Variants in SH3GL2 observed in about 807,000 individuals in gnomAD.
SH3GL2 encodes endophilin-A1.
Under a neutral mutation model 46.0 loss-of-function variants are expected in SH3GL2, and 24 were observed. The observed-to-expected ratio is 0.52, with a 90% confidence interval of 0.38 to 0.73. The LOEUF (loss-of-function observed/expected upper bound fraction) is 0.73, where lower values mean the gene tolerates loss of function less well. Among genes scored for constraint, SH3GL2 ranks in the 30% least tolerant of loss-of-function variants. The pLI, the probability that SH3GL2 is intolerant of heterozygous loss-of-function variation, is 0.00. For missense variants in SH3GL2, 413 were observed against 424.2 expected (o/e 0.97, Z 0.23); for synonymous variants, 196 against 147.1 (o/e 1.33, Z -2.40).
Position 17,789,567 on chromosome 9 carries a change from G to A in SH3GL2, c.624+17G>A, listed in dbSNP as rs775942399. ...GAGATGGATGTAAGTGACTCCTGTG[G>A]TTTTCAATTTAATCTTATCATCGAG... On this transcript the variant is annotated intron_variant, in intron 6 of 8. Coordinates refer to ENST00000380607, the MANE Select transcript of SH3GL2 (RefSeq NM_003026.5). 6 of 1,612,598 alleles carry A rather than the reference G, an allele frequency of 3.7e-6. No homozygotes were observed. The highest frequency in any genetic ancestry group is 5.1e-6 in the Non-Finnish European group (6 of 1,179,070).
intron 1 of SH3GL2, among the ~76,000 whole-genome samples, chr9:17,744,309 C>G (rs1822617912): frequency 1.3e-5 from 2 of 151,952 alleles, no homozygotes; most frequent in South Asian, 2.1e-4. Flanking sequence ...AAGACCCCCT[C>G]TATTCATGAG....
intron 2 of SH3GL2, among the ~76,000 whole-genome samples, chr9:17,752,661 C>T (rs1822880124): frequency 6.6e-6 from 1 of 152,032 alleles, no homozygotes; most frequent in Non-Finnish European, 1.5e-5. Context: ...CCATGCCTGC[C>T]TAATTTTTAT....
intron 1 of SH3GL2, among the ~76,000 whole-genome samples, chr9:17,692,535 A>G (rs1401823833): frequency 2.6e-5 from 4 of 152,004 alleles, no homozygotes; most frequent in Admixed American, 2.0e-4. Context: ...AGTCCCAGCT[A>G]CTGGGAGGCT....
At chr9:17,639,831 T>A (rs1449820115) in intron 1 of SH3GL2, among the ~76,000 whole-genome samples, 1 of 152,174 alleles carries the variant, frequency 6.6e-6, no homozygotes, top group African/African-American at 2.4e-5. Flanking sequence ...ACATGTTGAA[T>A]CTTAATGAAA....
chr9:17,746,636 T>A (rs1044296853), intron 1 of SH3GL2, among the ~76,000 whole-genome samples: 2 of 152,208 alleles, frequency 1.3e-5, no homozygotes, highest in African/African-American at 4.8e-5. Context: ...ATGTTTGTGA[T>A]TATCTGTTCA....
chr9:17,786,095 A>G (rs1163276994), intron 3 of SH3GL2, among the ~76,000 whole-genome samples: 1 of 152,130 alleles, frequency 6.6e-6, no homozygotes, highest in African/African-American at 2.4e-5. Flanking sequence ...TGAAGGGAGG[A>G]TGGGGAAGGG....
intron 2 of SH3GL2, among the ~76,000 whole-genome samples, chr9:17,750,069 T>C (rs935843486): frequency 2.0e-5 from 3 of 152,156 alleles, no homozygotes; most frequent in Non-Finnish European, 2.9e-5. Context: ...TCTGTCTCTA[T>C]TGCAAATTTT....
intron 1 of SH3GL2, among the ~76,000 whole-genome samples, chr9:17,614,061 G>C (rs1414473991): frequency 6.6e-6 from 1 of 151,880 alleles, no homozygotes; most frequent in East Asian, 1.9e-4. Context: ...GTTTGGGAAG[G>C]CTCTGGGAAA....
At chr9:17,617,903 G>T (rs1819042372) in intron 1 of SH3GL2, among the ~76,000 whole-genome samples, 1 of 152,114 alleles carries the variant, frequency 6.6e-6, no homozygotes, top group Non-Finnish European at 1.5e-5. Flanking sequence ...CCAGTCTCCA[G>T]CTCAAGACTT....
At chr9:17,791,372 A>G in intron 7 of SH3GL2, 38 bp downstream of exon 7, 1 of 1,310,686 alleles carries the variant, frequency 7.6e-7, no homozygotes, top group Non-Finnish European at 1.1e-6. Flanking sequence ...TTTGCATTTT[A>G]TTGCTATAAA....
chr9:17,639,374 A>G (rs761076258), intron 1 of SH3GL2, among the ~76,000 whole-genome samples: 3 of 152,222 alleles, frequency 2.0e-5, no homozygotes, highest in Non-Finnish European at 4.4e-5. Flanking sequence ...CAACCCAATA[A>G]AAATATAGAC....
At chr9:17,752,081 G>T in intron 2 of SH3GL2, among the ~76,000 whole-genome samples, 1 of 152,098 alleles carries the variant, frequency 6.6e-6, no homozygotes, top group Non-Finnish European at 1.5e-5. Context: ...GTTTATTTTT[G>T]TTTTTTAACA....
At chr9:17,637,972 C>T (rs993822337) in intron 1 of SH3GL2, among the ~76,000 whole-genome samples, 1 of 151,966 alleles carries the variant, frequency 6.6e-6, no homozygotes, top group East Asian at 1.9e-4. Context: ...CTGGCTAACA[C>T]AGTGAAACCC....
intron 1 of SH3GL2, among the ~76,000 whole-genome samples, chr9:17,592,550 T>C (rs1185976322): frequency 1.3e-5 from 2 of 152,224 alleles, no homozygotes. Context: ...TTGAGGTTTA[T>C]TCTGCCTTTG....
At chr9:17,705,391 G>C (rs187853133) in intron 1 of SH3GL2, among the ~76,000 whole-genome samples, 1 of 152,136 alleles carries the variant, frequency 6.6e-6, no homozygotes, top group Admixed American at 6.6e-5. Context: ...CCCATATTGG[G>C]TATATTCCTA....
intron 1 of SH3GL2, among the ~76,000 whole-genome samples, chr9:17,687,788 G>A (rs965811661): frequency 9.2e-5 from 14 of 151,982 alleles, no homozygotes; most frequent in African/African-American, 3.4e-4. Context: ...AAACAATGAT[G>A]GATGTGAATC....
At chr9:17,717,669 C>G (rs1359711146) in intron 1 of SH3GL2, among the ~76,000 whole-genome samples, 1 of 152,088 alleles carries the variant, frequency 6.6e-6, no homozygotes, top group East Asian at 1.9e-4. Flanking sequence ...TTAAATGATA[C>G]AGCGCACAGA....
At chr9:17,778,791 G>T (rs1252441836) in intron 3 of SH3GL2, among the ~76,000 whole-genome samples, 1 of 152,066 alleles carries the variant, frequency 6.6e-6, no homozygotes, top group African/African-American at 2.4e-5. Flanking sequence ...CGAATTTGCT[G>T]ACTAATTGCA....
intron 3 of SH3GL2, among the ~76,000 whole-genome samples, chr9:17,781,677 A>G (rs1823814077): frequency 6.6e-6 from 1 of 152,146 alleles, no homozygotes; most frequent in Non-Finnish European, 1.5e-5. Flanking sequence ...TCCTACCAGC[A>G]GTATTTGAGA....
Sources: allele counts gnomAD v4.1 joint callset (sites outside exome capture counted in the v4.1 genomes callset), GRCh38; gene constraint gnomAD v4.1.1; transcripts MANE v1.5; gene names NCBI Gene and HGNC (gene_info 2026-07-23, HGNC 2026-07-21).